The following CLEC1A variants were observed in gnomAD, a reference collection of about 807,000 sequenced individuals.
CLEC1A encodes C-type lectin-like receptor-1.
CLEC1A carries 34 observed loss-of-function variants against 28.7 expected under a neutral mutation model. The observed-to-expected ratio is 1.18, with a 90% confidence interval of 0.90 to 1.57. The LOEUF (loss-of-function observed/expected upper bound fraction) is 1.57. Among genes scored for constraint, CLEC1A ranks in the 40% most tolerant of loss-of-function variants. CLEC1A has a pLI of 0.00. For missense variants in CLEC1A, 385 were observed against 339.5 expected, an observed-to-expected ratio of 1.13 and a Z score of -1.05; for synonymous variants, 116 against 121.0, an observed-to-expected ratio of 0.96 and a Z score of 0.27.
At chr12:10,084,048 T>C (rs946153248) in intron 2 of CLEC1A, 11 of 151,996 alleles carry the variant, frequency 7.2e-5, no homozygotes, top group African/African-American at 2.7e-4. Flanking sequence ...GGAGTTATAG[T>C]AAATGGCCAA....
At chr12:10,092,067 A>G (rs1947714050) in intron 1 of CLEC1A, among the ~76,000 whole-genome samples, 1 of 152,292 alleles carries the variant, frequency 6.6e-6, no homozygotes, top group East Asian at 1.9e-4. Flanking sequence ...ACTCAAACAC[A>G]GTTACATTAA....
chr12:10,096,929 C>G (rs750116898), intron 1 of CLEC1A, among the ~76,000 whole-genome samples: 4 of 152,090 alleles, frequency 2.6e-5, no homozygotes, highest in Non-Finnish European at 5.9e-5. Flanking sequence ...TGGTTAAGCT[C>G]TCGGCTGTAC....
chr12:10,081,523 G>A, intron 2 of CLEC1A, 110 bp from the exon 3 acceptor site: 1 of 754,434 alleles, frequency 1.3e-6, no homozygotes, highest in Non-Finnish European at 2.0e-6. Context: ...CAGGCTCTGA[G>A]TTCTCATATT....
chr12:10,073,477 AT>A, intron 4 of CLEC1A, 66 bp from the exon 5 acceptor site: 1 of 1,169,332 alleles, frequency 8.6e-7, no homozygotes, highest in East Asian at 2.4e-5. Context: ...ACAGACATGC[AT>A]GGGCCAGCCA....
chr12:10,092,094 A>T (rs1268087232), intron 1 of CLEC1A, among the ~76,000 whole-genome samples: 1 of 152,218 alleles, frequency 6.6e-6, no homozygotes, highest in Non-Finnish European at 1.5e-5. Context: ...TCTCAAAGTC[A>T]TAATAATTTT....
intron 3 of CLEC1A, among the ~76,000 whole-genome samples, chr12:10,080,046 C>T (rs78124202): frequency 0.1 from 15,391 of 151,986 alleles, 1,022 homozygotes; most frequent in Non-Finnish European, 0.15. Flanking sequence ...CGGTAGTTTA[C>T]GCTTATAATC....
rs752181413 is a variant in CLEC1A at position 10,071,477 on chromosome 12, G to GCT, written c.697_698dup (p.Ser233ArgfsTer12). The GCT allele has an allele frequency of 1.2e-6, 2 of 1,612,660 alleles. No homozygotes were observed. The highest frequency in any genetic ancestry group is 1.7e-6 in the Non-Finnish European group (2 of 1,179,230). ...CATTAAGGATGGCCACACAGTCTCT[G>GCT]CTTCTTGGGCTGGTGACATCTATTA... On this transcript the variant is annotated frameshift_variant, in exon 6 of 6. Transcript: ENST00000315330. LOFTEE classifies it low-confidence loss of function (END_TRUNC).
chr12:10,078,891 TC>T (rs962998891), intron 3 of CLEC1A, among the ~76,000 whole-genome samples: 2 of 152,150 alleles, frequency 1.3e-5, no homozygotes, highest in Admixed American at 1.3e-4. Flanking sequence ...GGCATGTCTC[TC>T]CCCAATCTCT....
intron 5 of CLEC1A, 77 bp downstream of exon 5, chr12:10,073,216 C>A: frequency 9.4e-7 from 1 of 1,061,116 alleles, no homozygotes; most frequent in Non-Finnish European, 1.5e-6. Flanking sequence ...ACTTGATGGA[C>A]CAAATTCTTG....
intron 2 of CLEC1A, among the ~76,000 whole-genome samples, chr12:10,087,993 G>T (rs191195013): frequency 6.6e-6 from 1 of 151,690 alleles, no homozygotes; most frequent in Non-Finnish European, 1.5e-5. Context: ...ACATAAAACC[G>T]CCAATCTGTT....
rs191137922 is a variant in CLEC1A, at chr12:10,093,985, C to G, written c.116-4763G>C. ...TCAAATATTGCTATTTTCATACTCT[C>G]TAAATGAAAATCTGTGTTATCCTTC... On this transcript the variant is annotated intron_variant, in intron 1 of 5. Coordinates refer to ENST00000315330, the MANE Select transcript of CLEC1A (RefSeq NM_016511.4). 3.4e-3 allele frequency among the ~76,000 whole-genome samples: 510 copies of G among 152,158 alleles called. 5 individuals are homozygous for G. Among genetic ancestry groups the G allele is most frequent in the African/African-American group, 0.012 (481 of 41,532 alleles).
At chr12:10,085,304 A>G (rs1377374440) in intron 2 of CLEC1A, among the ~76,000 whole-genome samples, 1 of 151,872 alleles carries the variant, frequency 6.6e-6, no homozygotes, top group Non-Finnish European at 1.5e-5. Flanking sequence ...GCACATCTCA[A>G]TACTAACACT....
intron 3 of CLEC1A, among the ~76,000 whole-genome samples, chr12:10,079,649 G>A (rs1020172325): frequency 7.9e-5 from 12 of 151,444 alleles, no homozygotes; most frequent in South Asian, 2.1e-4. Context: ...GAAAAACCCC[G>A]TCTCTACTTA....
intron 4 of CLEC1A, among the ~76,000 whole-genome samples, chr12:10,074,723 A>G (rs963695921): frequency 6.6e-6 from 1 of 152,188 alleles, no homozygotes; most frequent in African/African-American, 2.4e-5. Flanking sequence ...AAAATTACAG[A>G]GGTTCTTTCA....
chr12:10,089,156 A>G lies in CLEC1A; in HGVS notation c.182T>C (p.Leu61Pro). ...ALTLLTLCLVLLIGLAALGLL... is the reference protein window; with the variant it reads ...ALTLLTLCLVPLIGLAALGLL... Reference sequence around the variant, plus strand: ...CCCCAGGGCTGCCAGCCCTATCAGCAGCACCAAGCACAAAGTCAGCAGGGT... The same window carrying G: ...CCCCAGGGCTGCCAGCCCTATCAGCGGCACCAAGCACAAAGTCAGCAGGGT... Residue 61 changes from leucine to proline, a missense_variant, in exon 2 of 6, where the codon CTG becomes CCG. Leu to Pro is a moderately conservative substitution (Grantham distance 98). Transcript: ENST00000315330. 1 of 1,614,118 alleles carries G rather than the reference A, an allele frequency of 6.2e-7. No homozygotes were observed. The highest frequency in any genetic ancestry group is 8.5e-7 in the Non-Finnish European group (1 of 1,179,946).
chr12:10,078,651 A>C (rs1253119813), intron 3 of CLEC1A, among the ~76,000 whole-genome samples: 1 of 152,214 alleles, frequency 6.6e-6, no homozygotes, highest in Non-Finnish European at 1.5e-5. Flanking sequence ...GTTTCCCAGA[A>C]TGTGGGACTT....
chr12:10,087,095 C>T (rs181580585), intron 2 of CLEC1A, among the ~76,000 whole-genome samples: 5 of 148,896 alleles, frequency 3.4e-5, no homozygotes, highest in Non-Finnish European at 7.4e-5. Context: ...ATCTCAGCTA[C>T]TCGGGAGGCT....
chr12:10,077,562 C>G (rs780214728), intron 3 of CLEC1A, among the ~76,000 whole-genome samples: 1 of 152,012 alleles, frequency 6.6e-6, no homozygotes. Flanking sequence ...AATTTCTAAA[C>G]GGAACATGTA....
Position 10,097,915 on chromosome 12 carries a change from T to TAAAAAAAAAAAAA in CLEC1A, c.115+880_115+892dup. ...TTAACAGCTTACTGGGTAGTTTAGT[T>TAAAAAAAAAAAAA]AAAAAAAAAAAAAGCCATATTAGTA... On this transcript the variant is annotated intron_variant, in intron 1 of 5. Transcript: ENST00000315330. 1.7e-5 allele frequency among the ~76,000 whole-genome samples: 2 copies of TAAAAAAAAAAAAA among 117,878 alleles called. 1 individual carries two copies. Among genetic ancestry groups the TAAAAAAAAAAAAA allele is most frequent in the Non-Finnish European group, 3.5e-5 (2 of 57,684 alleles). 77.3% of individuals were successfully genotyped at this position (117,878 alleles called of 152,430 possible). A position where few individuals can be genotyped will look rare whatever the true frequency, so the allele number is the denominator to read the frequency against.
Sources: allele counts gnomAD v4.1 joint callset (sites outside exome capture counted in the v4.1 genomes callset), GRCh38; gene constraint gnomAD v4.1.1; transcripts MANE v1.5; gene names NCBI Gene and HGNC (gene_info 2026-07-23, HGNC 2026-07-21).